The following SHANK2 variants were observed in gnomAD, a reference collection of about 807,000 sequenced individuals.
SHANK2 encodes the protein SH3 and multiple ankyrin repeat domains 2.
Under a neutral mutation model 133.7 loss-of-function variants are expected in SHANK2, and 43 were observed. The ratio of observed to expected loss-of-function variants is 0.32; its 90% CI spans 0.25 to 0.41. The LOEUF (loss-of-function observed/expected upper bound fraction) is 0.41, where lower values mean the gene tolerates loss of function less well. SHANK2 is among the 10% of genes least tolerant of loss of function. The pLI is 1.00. For missense variants in SHANK2, 1,994 were observed against 2,235.8 expected (o/e 0.89, Z 2.18); for synonymous variants, 1,017 against 952.8 (o/e 1.07, Z -1.24).
chr11:70,848,432 T>C (rs1419819312), intron 11 of SHANK2, among the ~76,000 whole-genome samples: 2 of 152,172 alleles, frequency 1.3e-5, no homozygotes, highest in Admixed American at 1.3e-4. Flanking sequence ...CTGGAGACCC[T>C]TGAAGATGAC....
chr11:70,750,234 G>A (rs1325140198), intron 14 of SHANK2, among the ~76,000 whole-genome samples: 1 of 152,228 alleles, frequency 6.6e-6, no homozygotes, highest in Non-Finnish European at 1.5e-5. Context: ...AGCCACATGT[G>A]TATAACAAGT....
chr11:70,510,449 A>G (rs1255789862), intron 17 of SHANK2, among the ~76,000 whole-genome samples: 1 of 152,158 alleles, frequency 6.6e-6, no homozygotes, highest in Admixed American at 6.5e-5. Context: ...CAGAGGTCCT[A>G]TTGAAACTGT....
intron 11 of SHANK2, among the ~76,000 whole-genome samples, chr11:70,873,780 T>A (rs1949510372): frequency 6.6e-6 from 1 of 152,218 alleles, no homozygotes; most frequent in South Asian, 2.1e-4. Context: ...AACTTTGCTA[T>A]TGTTTACAAC....
intron 14 of SHANK2, among the ~76,000 whole-genome samples, chr11:70,794,498 G>A (rs1245401334): frequency 6.6e-6 from 1 of 152,166 alleles, no homozygotes; most frequent in Non-Finnish European, 1.5e-5. Flanking sequence ...GATGGGGAGG[G>A]ATGGCTGGAA....
chr11:70,743,245 C>T (rs1317373382), intron 14 of SHANK2, among the ~76,000 whole-genome samples: 3 of 152,104 alleles, frequency 2.0e-5, no homozygotes, highest in Admixed American at 6.5e-5. Context: ...TGCACGTCTG[C>T]GTGCCCCCCC....
chr11:70,506,050 G>C (rs1326897877), intron 17 of SHANK2, among the ~76,000 whole-genome samples: 1 of 152,214 alleles, frequency 6.6e-6, no homozygotes, highest in Non-Finnish European at 1.5e-5. Flanking sequence ...GTCAGAGACA[G>C]ACATTACTCT....
At chr11:70,708,366 C>A (rs1487287481) in intron 14 of SHANK2, among the ~76,000 whole-genome samples, 1 of 152,158 alleles carries the variant, frequency 6.6e-6, no homozygotes, top group Non-Finnish European at 1.5e-5. Context: ...CTGCCCTGGA[C>A]ACTGCAGGGC....
At chr11:71,100,422 T>C (rs1951699105) in intron 6 of SHANK2, among the ~76,000 whole-genome samples, 1 of 152,210 alleles carries the variant, frequency 6.6e-6, no homozygotes, top group Admixed American at 6.5e-5. Flanking sequence ...GACAACAAGA[T>C]GTTGTTCAAC....
intron 17 of SHANK2, among the ~76,000 whole-genome samples, chr11:70,626,521 T>C (rs2060907753): frequency 6.6e-6 from 1 of 152,186 alleles, no homozygotes; most frequent in Admixed American, 6.5e-5. Context: ...CCCATTGGAC[T>C]GCAGGAAACA....
intron 17 of SHANK2, among the ~76,000 whole-genome samples, chr11:70,639,004 A>C (rs2061142691): frequency 6.6e-6 from 1 of 151,728 alleles, no homozygotes; most frequent in Admixed American, 6.6e-5. Flanking sequence ...TCTCAAAAAA[A>C]CAAAAAAACA....
At chr11:71,232,936 C>T (rs1173641729) in intron 1 of SHANK2, among the ~76,000 whole-genome samples, 1 of 152,082 alleles carries the variant, frequency 6.6e-6, no homozygotes, top group Non-Finnish European at 1.5e-5. Context: ...AACAAAAGAA[C>T]AAAACTTTCA....
chr11:70,655,573 A>G (rs1388833631), intron 17 of SHANK2, among the ~76,000 whole-genome samples: 1 of 152,220 alleles, frequency 6.6e-6, no homozygotes, highest in Non-Finnish European at 1.5e-5. Flanking sequence ...TTCTTGGGAC[A>G]TTTGTTGCAA....
intron 17 of SHANK2, among the ~76,000 whole-genome samples, chr11:70,557,711 C>G (rs1554979944): frequency 6.6e-6 from 1 of 152,194 alleles, no homozygotes; most frequent in Non-Finnish European, 1.5e-5. Flanking sequence ...AGCCCCCTGA[C>G]CTGGGCTTTC....
chr11:70,718,324 G>A (rs1410392620), intron 14 of SHANK2, among the ~76,000 whole-genome samples: 8 of 152,234 alleles, frequency 5.3e-5, no homozygotes, highest in East Asian at 1.9e-4. Context: ...AGCCAAGCCC[G>A]TTTTGGCTAC....
At chr11:70,676,695 T>C (rs1413236338) in intron 15 of SHANK2, among the ~76,000 whole-genome samples, 2 of 152,188 alleles carry the variant, frequency 1.3e-5, no homozygotes, top group African/African-American at 2.4e-5. Flanking sequence ...AATTAGAAGA[T>C]ACGGGCAAAA....
intron 8 of SHANK2, among the ~76,000 whole-genome samples, chr11:71,076,551 CA>C (rs2135988083): frequency 6.6e-6 from 1 of 151,484 alleles, no homozygotes; most frequent in East Asian, 1.9e-4. Flanking sequence ...AAAAACCACA[CA>C]CACACACGAG....
Position 70,518,910 on chromosome 11 carries a change from TTTTTA to T in SHANK2, c.2062-15984_2062-15980del, listed in dbSNP as rs1315133072. On this transcript the variant is annotated intron_variant, in intron 17 of 25. Transcript: ENST00000601538. ...CTTCTCCACTTACTAGTTGGAATAA[TTTTTA>T]TTTTAACTTCTTGAGACAGGGTCTT... is the stretch of plus-strand genomic sequence containing the variant. Among the ~76,000 whole-genome samples, 4 of 152,192 alleles carry T rather than the reference TTTTTA, an allele frequency of 2.6e-5. No homozygotes were observed. In the East Asian group the frequency reaches 7.7e-4, roughly 29 times the overall value.
In SHANK2 at chr11:70,779,820, A is replaced by G. The variant is rs563969636; in HGVS notation, c.1777+18623T>C. On this transcript the variant is annotated intron_variant, in intron 14 of 25. Transcript: ENST00000601538. ...TCCTTCTGCTGGTTCCAGCACCCCA[A>G]CTGTCCTTGGCAAGCCATCTTCCCT... 4.6e-5 allele frequency among the ~76,000 whole-genome samples: 7 copies of G among 151,824 alleles called. No individual in the cohort carries two copies. In the East Asian group the frequency reaches 1.2e-3, roughly 25 times the overall value.
intron 8 of SHANK2, among the ~76,000 whole-genome samples, chr11:71,089,693 G>A (rs1222663387): frequency 1.3e-5 from 2 of 152,262 alleles, no homozygotes; most frequent in East Asian, 1.9e-4. Context: ...GTGAAGAGGC[G>A]AGCGTGGTCA....
Sources: allele counts gnomAD v4.1 joint callset (sites outside exome capture counted in the v4.1 genomes callset), GRCh38; gene constraint gnomAD v4.1.1; transcripts MANE v1.5; gene names NCBI Gene and HGNC (gene_info 2026-07-23, HGNC 2026-07-21).